The following OPCML variants were observed in gnomAD, a reference collection of about 807,000 sequenced individuals.
The protein encoded by OPCML is opioid-binding protein/cell adhesion molecule.
OPCML carries 13 observed loss-of-function variants against 37.8 expected under a neutral mutation model. The observed-to-expected ratio is 0.34, with a 90% CI of 0.22 to 0.55. The LOEUF is 0.55. OPCML is among the 20% of genes least tolerant of loss of function. OPCML has a pLI of 0.91. For synonymous variants in OPCML, 176 were observed against 168.8 expected, an observed-to-expected ratio of 1.04 and a Z score of -0.33; for missense variants, 341 against 435.6, an observed-to-expected ratio of 0.78 and a Z score of 1.93.
chr11:132,970,874 T>A (rs912397788), intron 1 of OPCML, among the ~76,000 whole-genome samples: 3 of 152,236 alleles, frequency 2.0e-5, no homozygotes, highest in Non-Finnish European at 4.4e-5. Context: ...ATTTACTTCA[T>A]TGATCTTTTC....
At position 132,656,207 on chromosome 11, in the gene OPCML, T is replaced by C. The variant is rs571928316; in HGVS notation, c.379+880A>G. On this transcript the variant is annotated intron_variant, in intron 3 of 7. Coordinates refer to ENST00000524381, the MANE Select transcript of OPCML (RefSeq NM_001012393.5). ...CAGAAATGGCTTTACATGGTGATGA[T>C]AGTTGGGGTCAAGTTCAAAATAAGT... Among the ~76,000 whole-genome samples, 15 of 152,268 alleles carry C rather than the reference T, an allele frequency of 9.9e-5. No homozygotes were observed. In the South Asian group the frequency reaches 1.2e-3, roughly 13 times the overall value.
At chr11:132,437,452 A>T in intron 4 of OPCML, 93 bp from the exon 5 acceptor site, 9 of 1,541,726 alleles carry the variant, frequency 5.8e-6, no homozygotes, top group Non-Finnish European at 7.8e-6. Flanking sequence ...GAGGAGGAAG[A>T]GAAAAAGCCA....
intron 1 of OPCML, among the ~76,000 whole-genome samples, chr11:133,396,879 C>G (rs1003875500): frequency 6.6e-6 from 1 of 152,144 alleles, no homozygotes; most frequent in African/African-American, 2.4e-5. Context: ...GGGCCACTAT[C>G]AAATATTTAT....
In OPCML at chr11:132,627,170, A is replaced by G. The variant is rs569253674; in HGVS notation, c.379+29917T>C. 9.2e-5 allele frequency among the ~76,000 whole-genome samples: 14 copies of G among 152,224 alleles called. No homozygotes were observed. The South Asian group carries it at 2.5e-3, about 27-fold the overall frequency. ...TATAAGATATATAATGGCCAGAAAAACTATGTATATATTGAAAGAATCATT... is the reference window on the plus strand; with the variant it reads ...TATAAGATATATAATGGCCAGAAAAGCTATGTATATATTGAAAGAATCATT... On this transcript the variant is annotated intron_variant, in intron 3 of 7. Coordinates refer to ENST00000524381, the MANE Select transcript of OPCML (RefSeq NM_001012393.5).
At chr11:132,821,808 T>C (rs141433659) in intron 2 of OPCML, among the ~76,000 whole-genome samples, 2,482 of 152,146 alleles carry the variant, frequency 0.016, 25 homozygotes, top group Middle Eastern at 0.031. Context: ...CCCCACTAAA[T>C]GTCTCCTGGG....
chr11:132,810,517 C>T (rs1307341583), intron 2 of OPCML, among the ~76,000 whole-genome samples: 1 of 152,146 alleles, frequency 6.6e-6, no homozygotes, highest in African/African-American at 2.4e-5. Flanking sequence ...ATGGTGAAAC[C>T]CCTTCTCTAC....
rs531574796 is a variant in OPCML, at chr11:132,781,646, A to T, written c.147-124327T>A. Among the ~76,000 whole-genome samples, 56 of 150,734 alleles carry T rather than the reference A, an allele frequency of 3.7e-4. No homozygotes were observed. In the South Asian group the frequency reaches 0.011, roughly 29 times the overall value. On this transcript the variant is annotated intron_variant, in intron 2 of 7. Transcript: ENST00000524381. ...CTATTTTTTTTTTTTGGTCTGGAAA[A>T]CTCTAATACAATAACCATGGGGTGT...
chr11:133,250,403 A>AGAAGAAGGAAGGAAGGAAGG (rs1941086774), intron 1 of OPCML, among the ~76,000 whole-genome samples: 1 of 151,444 alleles, frequency 6.6e-6, no homozygotes, highest in East Asian at 2.0e-4. Context: ...AAAGAAGGAA[A>AGAAGAAGGAAGGAAGGAAGG]GAAGAAGGAA....
chr11:132,825,144 A>G (rs969946623), intron 2 of OPCML, among the ~76,000 whole-genome samples: 1 of 152,216 alleles, frequency 6.6e-6, no homozygotes, highest in Admixed American at 6.5e-5. Flanking sequence ...GAACCTCATG[A>G]TGGTAGTCAC....
rs1465780812 is a variant in OPCML at position 133,134,642 on chromosome 11, C to T, written c.62-191632G>A. Among the ~76,000 whole-genome samples the T allele has an allele frequency of 2.0e-5, 3 of 152,194 alleles. No homozygotes were observed. In the East Asian group the frequency reaches 5.8e-4, roughly 29 times the overall value. ...CTCCTCCTGAAATATCCTCGACTTG[C>T]TCCAGGTCTTGTCCGCTGTCTTCCT... On this transcript the variant is annotated intron_variant, in intron 1 of 7. Transcript: ENST00000524381.
intron 1 of OPCML, among the ~76,000 whole-genome samples, chr11:133,303,603 G>T (rs564545310): frequency 1.1e-4 from 17 of 152,300 alleles, no homozygotes; most frequent in Non-Finnish European, 2.4e-4. Flanking sequence ...AATCCGGTCT[G>T]ATGTCGAATG....
chr11:133,436,808 T>C (rs1226138393), intron 1 of OPCML, among the ~76,000 whole-genome samples: 2 of 152,180 alleles, frequency 1.3e-5, no homozygotes, highest in Non-Finnish European at 2.9e-5. Context: ...GGTAATACTT[T>C]ATGTGAAAAC....
chr11:132,502,687 G>A (rs930186778), intron 4 of OPCML, among the ~76,000 whole-genome samples: 11 of 152,188 alleles, frequency 7.2e-5, no homozygotes, highest in Non-Finnish European at 2.9e-5. Context: ...CCCTTCCATT[G>A]TTAAGTGAAA....
intron 4 of OPCML, among the ~76,000 whole-genome samples, chr11:132,451,618 G>T (rs963758133): frequency 6.6e-6 from 1 of 152,160 alleles, no homozygotes; most frequent in South Asian, 2.1e-4. Context: ...GCACTGAGGG[G>T]ATGCCAGGAC....
chr11:133,430,999 C>T (rs1186214347), intron 1 of OPCML, among the ~76,000 whole-genome samples: 1 of 152,046 alleles, frequency 6.6e-6, no homozygotes, highest in East Asian at 1.9e-4. Flanking sequence ...AGTTTCACTT[C>T]TAAAAATTTT....
intron 1 of OPCML, among the ~76,000 whole-genome samples, chr11:133,467,269 A>C (rs758831364): frequency 1.2e-4 from 19 of 152,114 alleles, no homozygotes; most frequent in Non-Finnish European, 2.4e-4. Context: ...TTCAAGTGCA[A>C]AATACAACAG....
chr11:132,674,267 G>A (rs1942607004), intron 2 of OPCML, among the ~76,000 whole-genome samples: 1 of 152,220 alleles, frequency 6.6e-6, no homozygotes, highest in South Asian at 2.1e-4. Context: ...GAGAACTAGA[G>A]AGGCTTGCAG....
chr11:132,581,200 G>A (rs1389856537), intron 3 of OPCML, among the ~76,000 whole-genome samples: 5 of 152,156 alleles, frequency 3.3e-5, no homozygotes, highest in African/African-American at 1.2e-4. Context: ...TCATGAAGGT[G>A]AAGCAACAAT....
intron 1 of OPCML, among the ~76,000 whole-genome samples, chr11:133,370,020 A>G (rs566055682): frequency 6.6e-6 from 1 of 152,206 alleles, no homozygotes; most frequent in Non-Finnish European, 1.5e-5. Flanking sequence ...ATAAATTTAT[A>G]CAATATTATA....
Sources: gnomAD v4.1 joint callset for allele counts (sites outside exome capture counted in the v4.1 genomes callset) on GRCh38, gnomAD v4.1.1 for gene constraint, MANE v1.5 for transcripts, NCBI Gene and HGNC (gene_info 2026-07-23, HGNC 2026-07-21) for gene names.